C10orf90: variants seen among roughly 807,000 people sequenced by gnomAD.
The protein encoded by C10orf90 is (E2-independent) E3 ubiquitin-conjugating enzyme FATS.
Under a neutral mutation model 62.5 loss-of-function variants are expected in C10orf90, and 56 were observed. That is an observed-to-expected ratio of 0.90 (90% CI 0.72 to 1.12). The LOEUF is 1.12. Ranked by LOEUF, C10orf90 falls within the 50% of genes most tolerant of loss-of-function variation. The pLI, the probability that C10orf90 is intolerant of heterozygous loss-of-function variation, is 0.00. For missense variants in C10orf90, 970 were observed against 880.4 expected (o/e 1.10, Z -1.29); for synonymous variants, 386 against 340.4 (o/e 1.13, Z -1.47).
At chr10:126,521,445 T>A in intron 2 of C10orf90, 1 of 1,534,742 alleles carries the variant, frequency 6.5e-7, no homozygotes, top group Non-Finnish European at 8.7e-7. Flanking sequence ...TCAGAATGAG[T>A]CAGGCTTCCA....
intron 2 of C10orf90, among the ~76,000 whole-genome samples, chr10:126,637,001 G>T (rs1284763584): frequency 1.3e-5 from 2 of 152,062 alleles, no homozygotes; most frequent in African/African-American, 4.8e-5. Context: ...TTTTTCTCTT[G>T]GGGGGCGCTC....
intron 2 of C10orf90, among the ~76,000 whole-genome samples, chr10:126,568,086 G>A (rs572002103): frequency 6.6e-6 from 1 of 152,196 alleles, no homozygotes; most frequent in Non-Finnish European, 1.5e-5. Flanking sequence ...CTAAAAGGTG[G>A]GCAAATCTCC....
At position 126,597,353 on chromosome 10, in the gene C10orf90, G is replaced by C. The variant is rs113798929; in HGVS notation, c.313+49212C>G. 7.5e-4 allele frequency among the ~76,000 whole-genome samples: 114 copies of C among 152,342 alleles called. 3 individuals carry two copies. The highest frequency in any genetic ancestry group is 2.5e-3 in the African/African-American group (103 of 41,582). On this transcript the variant is annotated intron_variant, in intron 2 of 9. Coordinates refer to ENST00000488181, the MANE Select transcript of C10orf90 (RefSeq NM_001350921.2). ...ATGAATGGATATTCCAGGCAGAGGGGACATGTGTTCATCAGCCTAGAGGCG... is the reference window on the plus strand; with the variant it reads ...ATGAATGGATATTCCAGGCAGAGGGCACATGTGTTCATCAGCCTAGAGGCG...
chr10:126,583,988 C>T (rs991356449), intron 2 of C10orf90, among the ~76,000 whole-genome samples: 3 of 152,012 alleles, frequency 2.0e-5, no homozygotes, highest in Admixed American at 2.0e-4. Flanking sequence ...GGCATGGTGA[C>T]TCATGCCTGT....
intron 1 of C10orf90, among the ~76,000 whole-genome samples, chr10:126,652,289 T>A (rs79859583): frequency 6.6e-6 from 1 of 152,280 alleles, no homozygotes; most frequent in African/African-American, 2.4e-5. Context: ...AAGCATTAGA[T>A]TTTTCATTTA....
At chr10:126,576,758 A>ATAT (rs367880921) in intron 2 of C10orf90, among the ~76,000 whole-genome samples, 5 of 75,904 alleles carry the variant, frequency 6.6e-5, no homozygotes, top group African/African-American at 2.4e-4. Context: ...ACATATAGAT[A>ATAT]ATATGTATAT....
intron 7 of C10orf90, among the ~76,000 whole-genome samples, chr10:126,447,184 C>G (rs979919060): frequency 3.3e-5 from 5 of 151,698 alleles, no homozygotes; most frequent in African/African-American, 1.2e-4. Context: ...TAATAATTAC[C>G]TTGACTGTAA....
intron 1 of C10orf90, among the ~76,000 whole-genome samples, chr10:126,665,657 G>A (rs10736875): frequency 0.44 from 66,377 of 151,990 alleles, 15,927 homozygotes; most frequent in East Asian, 0.57. Context: ...TGACCCCTGA[G>A]AGGAGGAAAA....
chr10:126,594,185 A>G (rs1486052896), intron 2 of C10orf90, among the ~76,000 whole-genome samples: 1 of 149,912 alleles, frequency 6.7e-6, no homozygotes, highest in Non-Finnish European at 1.5e-5. Flanking sequence ...CCCTCTAGGC[A>G]CATTCCTAAG....
chr10:126,507,839 G>A (rs1361981427), intron 3 of C10orf90, among the ~76,000 whole-genome samples: 2 of 152,126 alleles, frequency 1.3e-5, no homozygotes, highest in Non-Finnish European at 2.9e-5. Flanking sequence ...GCGGCACCCT[G>A]AATCCCTTCC....
intron 2 of C10orf90, among the ~76,000 whole-genome samples, chr10:126,630,346 C>T (rs1591158876): frequency 1.3e-5 from 2 of 152,170 alleles, no homozygotes; most frequent in South Asian, 4.2e-4. Context: ...TGTAGTCACT[C>T]TGTGGTTGAG....
intron 2 of C10orf90, among the ~76,000 whole-genome samples, chr10:126,622,963 C>T (rs1228293142): frequency 2.6e-5 from 4 of 152,310 alleles, no homozygotes; most frequent in South Asian, 2.1e-4. Context: ...AAGCTTCGCA[C>T]GAAATATTAA....
At chr10:126,632,529 G>C (rs145278807) in intron 2 of C10orf90, among the ~76,000 whole-genome samples, 2 of 151,860 alleles carry the variant, frequency 1.3e-5, no homozygotes, top group Non-Finnish European at 2.9e-5. Context: ...TCATGTAGTG[G>C]TTGTGAAAAT....
intron 1 of C10orf90, among the ~76,000 whole-genome samples, chr10:126,667,936 C>T (rs987630089): frequency 3.9e-5 from 6 of 152,268 alleles, no homozygotes; most frequent in African/African-American, 1.4e-4. Flanking sequence ...CCCTCACCAC[C>T]ACCTGCTCCC....
intron 2 of C10orf90, among the ~76,000 whole-genome samples, chr10:126,562,582 CAG>C (rs1864927334): frequency 6.6e-6 from 1 of 152,178 alleles, no homozygotes; most frequent in South Asian, 2.1e-4. Flanking sequence ...CAAACGGGCA[CAG>C]AGCAATCTGC....
At chr10:126,617,496 T>C (rs1845565154) in intron 2 of C10orf90, among the ~76,000 whole-genome samples, 2 of 152,216 alleles carry the variant, frequency 1.3e-5, no homozygotes, top group African/African-American at 4.8e-5. Context: ...TGGCTTGGGA[T>C]CCTCAGCTTC....
chr10:126,523,262 G>C (rs1441726730), intron 2 of C10orf90, among the ~76,000 whole-genome samples: 1 of 152,142 alleles, frequency 6.6e-6, no homozygotes, highest in African/African-American at 2.4e-5. Flanking sequence ...CCTGGTGACA[G>C]AGCAGGGGCA....
intron 7 of C10orf90, among the ~76,000 whole-genome samples, chr10:126,443,607 G>T (rs1858544515): frequency 6.7e-6 from 1 of 149,826 alleles, no homozygotes. Flanking sequence ...ATTCAAAGAA[G>T]AATTGATATC....
intron 1 of C10orf90, among the ~76,000 whole-genome samples, chr10:126,652,151 T>G (rs1334715195): frequency 1.3e-5 from 2 of 152,250 alleles, no homozygotes; most frequent in Non-Finnish European, 2.9e-5. Context: ...TTCTGGTTAA[T>G]GCAACCCTGC....
Sources: allele counts gnomAD v4.1 joint callset (sites outside exome capture counted in the v4.1 genomes callset), GRCh38; gene constraint gnomAD v4.1.1; transcripts MANE v1.5; gene names NCBI Gene and HGNC (gene_info 2026-07-23, HGNC 2026-07-21).